Variants in GAB1 observed in about 807,000 individuals in gnomAD.
The protein encoded by GAB1 is GRB2-associated-binding protein 1.
In GAB1, 19 loss-of-function variants were observed where a neutral mutation model predicts 66.5. The observed-to-expected ratio is 0.29, with a 90% CI of 0.20 to 0.42. The LOEUF is 0.42. GAB1 is among the 10% of genes least tolerant of loss of function. The probability of loss-of-function intolerance (pLI) is 1.00; values close to 1 mark genes in which losing one functional copy is unlikely to be tolerated. For synonymous variants in GAB1, 294 were observed against 301.4 expected, an observed-to-expected ratio of 0.98 and a Z score of 0.25; for missense variants, 732 against 858.5, an observed-to-expected ratio of 0.85 and a Z score of 1.84.
chr4:143,435,610 T>G (rs554292210), intron 3 of GAB1, among the ~76,000 whole-genome samples: 1 of 152,272 alleles, frequency 6.6e-6, no homozygotes, highest in East Asian at 1.9e-4. Context: ...AAAGTGACAG[T>G]TAAATAGCAA....
chr4:143,411,493 C>CT (rs1334923635), intron 1 of GAB1, among the ~76,000 whole-genome samples: 1 of 152,108 alleles, frequency 6.6e-6, no homozygotes, highest in Non-Finnish European at 1.5e-5. Context: ...TTTAAAATTA[C>CT]TTTGAGTATT....
intron 1 of GAB1, chr4:143,395,982 TGGATGA>T: frequency 2.2e-6 from 1 of 454,074 alleles, no homozygotes; most frequent in Non-Finnish European, 4.4e-6. Flanking sequence ...AGAGGGCATA[TGGATGA>T]GGTGGGGAGG....
At position 143,361,967 on chromosome 4, in the gene GAB1, C is replaced by T. The variant is rs896576679; in HGVS notation, c.72+24707C>T. On this transcript the variant is annotated intron_variant, in intron 1 of 9. Coordinates refer to ENST00000262994, the MANE Select transcript of GAB1 (RefSeq NM_002039.4). ...AGAAACATGATCTTGTTATGTTGCTCAGGCTGGTCTTGAACTCCTGGGCTC... is the reference window on the plus strand; with the variant it reads ...AGAAACATGATCTTGTTATGTTGCTTAGGCTGGTCTTGAACTCCTGGGCTC... Among the ~76,000 whole-genome samples, 4 of 151,344 alleles carry T rather than the reference C, an allele frequency of 2.6e-5. No individual in the cohort carries two copies. The Middle Eastern group carries it at 0.014, about 522-fold the overall frequency.
chr4:143,417,265 T>G (rs1450573929), intron 2 of GAB1, among the ~76,000 whole-genome samples: 1 of 151,946 alleles, frequency 6.6e-6, no homozygotes, highest in African/African-American at 2.4e-5. Context: ...AGGCTCTGAG[T>G]GAAAAAGGCC....
At chr4:143,377,099 T>TG (rs1730453114) in intron 1 of GAB1, among the ~76,000 whole-genome samples, 1 of 147,634 alleles carries the variant, frequency 6.8e-6, no homozygotes, top group South Asian at 2.1e-4. Flanking sequence ...GTCTGGTGGT[T>TG]TTTTTTTTTT....
chr4:143,374,463 C>G (rs574493416), intron 1 of GAB1, among the ~76,000 whole-genome samples: 12 of 152,200 alleles, frequency 7.9e-5, no homozygotes, highest in Non-Finnish European at 1.6e-4. Context: ...GAATCTTATA[C>G]TTTAGATTCA....
Position 143,337,113 on chromosome 4 carries a change from C to T in GAB1, c.-76C>T, listed in dbSNP as rs891901820. On this transcript the variant is annotated 5_prime_UTR_variant, in exon 1 of 10. Coordinates refer to ENST00000262994, the MANE Select transcript of GAB1 (RefSeq NM_002039.4). ...AGCTAGGTTCTCGCCACTGCGCGCT[C>T]GGCAGGCGTCGGCTGTGTCGGGAGC... 3.0e-6 allele frequency: 4 copies of T among 1,338,756 alleles called. No homozygotes were observed. In the African/African-American group the frequency reaches 5.9e-5, roughly 20 times the overall value. 82.9% of individuals were successfully genotyped at this position (1,338,756 alleles called of 1,614,324 possible). A position where few individuals can be genotyped will look rare whatever the true frequency, so the allele number is the denominator to read the frequency against.
intron 1 of GAB1, among the ~76,000 whole-genome samples, chr4:143,385,708 G>A (rs904124306): frequency 4.6e-5 from 7 of 152,168 alleles, no homozygotes; most frequent in African/African-American, 7.2e-5. Flanking sequence ...AAGCTTCAAG[G>A]GAGGCTGGGA....
chr4:143,399,556 A>G (rs1388083108), intron 1 of GAB1, among the ~76,000 whole-genome samples: 1 of 152,106 alleles, frequency 6.6e-6, no homozygotes, highest in African/African-American at 2.4e-5. Flanking sequence ...ACACTCCACT[A>G]GGGGGCAGAC....
At chr4:143,454,755 A>T (rs1300414382) in intron 6 of GAB1, among the ~76,000 whole-genome samples, 1 of 152,108 alleles carries the variant, frequency 6.6e-6, no homozygotes, top group Non-Finnish European at 1.5e-5. Context: ...AACAAGAATG[A>T]CCCAATTTGT....
At chr4:143,441,036 T>G (rs1450419934) in intron 6 of GAB1, among the ~76,000 whole-genome samples, 1 of 152,212 alleles carries the variant, frequency 6.6e-6, no homozygotes, top group Admixed American at 6.5e-5. Flanking sequence ...TATAACAACT[T>G]CTTAAAAATT....
At position 143,384,837 on chromosome 4, in the gene GAB1, C is replaced by G. The variant is rs112587730; in HGVS notation, c.73-30640C>G. The stretch of plus-strand genomic sequence containing the variant: ...CTGATGAAATCCACATTTTGGCATC[C>G]TTGAAGTCTTTCAAAGGAATCTGAC... On this transcript the variant is annotated intron_variant, in intron 1 of 9. Coordinates refer to ENST00000262994, the MANE Select transcript of GAB1 (RefSeq NM_002039.4). Among the ~76,000 whole-genome samples, 420 of 152,294 alleles carry G rather than the reference C, an allele frequency of 2.8e-3. 3 individuals are homozygous for G. Among genetic ancestry groups the G allele is most frequent in the African/African-American group, 9.7e-3 (402 of 41,560 alleles).
intron 1 of GAB1, among the ~76,000 whole-genome samples, chr4:143,342,275 G>A (rs1728845961): frequency 6.6e-6 from 1 of 152,198 alleles, no homozygotes; most frequent in South Asian, 2.1e-4. Context: ...GGAGGGGGTA[G>A]TTTGAGAATT....
intron 1 of GAB1, among the ~76,000 whole-genome samples, chr4:143,340,496 A>T (rs1581206604): frequency 1.3e-5 from 2 of 152,156 alleles, no homozygotes; most frequent in African/African-American, 2.4e-5. Context: ...TGACAAAAAA[A>T]TTGTTTTAGT....
intron 1 of GAB1, among the ~76,000 whole-genome samples, chr4:143,409,812 T>C (rs1377273799): frequency 6.6e-6 from 1 of 152,166 alleles, no homozygotes; most frequent in African/African-American, 2.4e-5. Flanking sequence ...GAGCAGAAGA[T>C]ATTAATATAA....
chr4:143,444,705 C>A (rs908285474), intron 6 of GAB1, among the ~76,000 whole-genome samples: 2 of 152,058 alleles, frequency 1.3e-5, no homozygotes, highest in Non-Finnish European at 2.9e-5. Context: ...TATGAATGAT[C>A]CTGTCACTCA....
chr4:143,387,850 T>G (rs1730990887), intron 1 of GAB1, among the ~76,000 whole-genome samples: 1 of 152,200 alleles, frequency 6.6e-6, no homozygotes, highest in African/African-American at 2.4e-5. Context: ...CTATCCTGTC[T>G]TCCTTCACAG....
At position 143,350,406 on chromosome 4, in the gene GAB1, C is replaced by T. The variant is rs1375554803; in HGVS notation, c.72+13146C>T. Among the ~76,000 whole-genome samples the T allele has an allele frequency of 2.6e-5, 4 of 152,122 alleles. No homozygotes were observed. In the South Asian group the frequency reaches 6.2e-4, roughly 24 times the overall value. On this transcript the variant is annotated intron_variant, in intron 1 of 9. Coordinates refer to ENST00000262994, the MANE Select transcript of GAB1 (RefSeq NM_002039.4). Reference sequence around the variant, plus strand: ...AAGGCTTTGTGTTTTAGGCTGGGCGCAGTGGCTCACCCCTGTAATCCCAGC... The same window carrying T: ...AAGGCTTTGTGTTTTAGGCTGGGCGTAGTGGCTCACCCCTGTAATCCCAGC...
intron 1 of GAB1, among the ~76,000 whole-genome samples, chr4:143,343,023 G>A (rs551469697): frequency 1.3e-4 from 20 of 152,234 alleles, no homozygotes; most frequent in African/African-American, 4.8e-4. Context: ...TGCTTTTAGT[G>A]GGGATGTTTT....
Sources: allele counts gnomAD v4.1 joint callset (sites outside exome capture counted in the v4.1 genomes callset), GRCh38; gene constraint gnomAD v4.1.1; transcripts MANE v1.5; gene names NCBI Gene and HGNC (gene_info 2026-07-23, HGNC 2026-07-21).